Variants in SRBD1 observed in about 807,000 individuals in gnomAD.
SRBD1 encodes the protein S1 RNA-binding domain-containing protein 1.
In SRBD1, 88 loss-of-function variants were observed where a neutral mutation model predicts 115.3. The ratio of observed to expected loss-of-function variants is 0.76; its 90% CI spans 0.64 to 0.91. The LOEUF is 0.91. Among genes scored for constraint, SRBD1 ranks in the 40% least tolerant of loss-of-function variants. SRBD1 has a pLI of 0.00. For synonymous variants in SRBD1, 509 were observed against 407.7 expected, an observed-to-expected ratio of 1.25 and a Z score of -2.99; for missense variants, 1,385 against 1,177.4, an observed-to-expected ratio of 1.18 and a Z score of -2.58.
At chr2:45,550,938 A>C (rs938210422) in intron 12 of SRBD1, among the ~76,000 whole-genome samples, 187 bp downstream of exon 12, 1 of 152,222 alleles carries the variant, frequency 6.6e-6, no homozygotes, top group African/African-American at 2.4e-5. Flanking sequence ...TTGTATATTG[A>C]GGAGTTTGAT....
chr2:45,535,343 C>T (rs1477755049), intron 14 of SRBD1, among the ~76,000 whole-genome samples: 1 of 151,904 alleles, frequency 6.6e-6, no homozygotes, highest in Non-Finnish European at 1.5e-5. Context: ...TAGGTTAAGA[C>T]CAAAATGTTT....
At chr2:45,605,267 C>T (rs1674229179) in intron 2 of SRBD1, 95 bp downstream of exon 2, 3 of 1,252,172 alleles carry the variant, frequency 2.4e-6, no homozygotes, top group Non-Finnish European at 2.2e-6. Context: ...TTTTTCTACC[C>T]ACATCACTTA....
At chr2:45,415,728 G>GGAGAC (rs1212854937) in intron 18 of SRBD1, among the ~76,000 whole-genome samples, 5 of 10,734 alleles carry the variant, frequency 4.7e-4, no homozygotes, top group African/African-American at 2.2e-3. Context: ...GGAGAGGAGA[G>GGAGAC]GAGAGGAGAC....
intron 14 of SRBD1, among the ~76,000 whole-genome samples, chr2:45,535,382 A>T (rs930976703): frequency 1.3e-5 from 2 of 152,052 alleles, no homozygotes; most frequent in African/African-American, 4.8e-5. Context: ...GGTGATGTCC[A>T]GTGGTTATTT....
chr2:45,572,769 T>A (rs1386256025), intron 9 of SRBD1, among the ~76,000 whole-genome samples: 1 of 152,102 alleles, frequency 6.6e-6, no homozygotes, highest in Non-Finnish European at 1.5e-5. Flanking sequence ...GGAAAAAAAA[T>A]TAGTAAACTG....
intron 14 of SRBD1, among the ~76,000 whole-genome samples, chr2:45,540,823 T>C (rs541705235): frequency 7.9e-5 from 12 of 152,336 alleles, no homozygotes; most frequent in African/African-American, 2.6e-4. Context: ...GAGATATCAC[T>C]ACATATCCAC....
chr2:45,459,269 T>C (rs1367041215), intron 16 of SRBD1, among the ~76,000 whole-genome samples: 1 of 152,206 alleles, frequency 6.6e-6, no homozygotes, highest in Non-Finnish European at 1.5e-5. Context: ...AATTCAACTT[T>C]AAATGCCTAT....
At chr2:45,501,648 C>T (rs777459595) in intron 14 of SRBD1, among the ~76,000 whole-genome samples, 3 of 152,202 alleles carry the variant, frequency 2.0e-5, no homozygotes, top group Admixed American at 6.5e-5. Flanking sequence ...TTATATCCCA[C>T]GCCTGGCTCG....
intron 20 of SRBD1, among the ~76,000 whole-genome samples, chr2:45,391,750 T>G (rs1435356353): frequency 6.6e-6 from 1 of 152,174 alleles, no homozygotes; most frequent in African/African-American, 2.4e-5. Context: ...CCATATAATT[T>G]GAGTGTTGAT....
At chr2:45,539,600 G>C (rs971246073) in intron 14 of SRBD1, among the ~76,000 whole-genome samples, 25 of 152,146 alleles carry the variant, frequency 1.6e-4, no homozygotes, top group African/African-American at 6.0e-4. Flanking sequence ...TGAGAATATG[G>C]AACTATAAGC....
chr2:45,425,085 A>T (rs1405956193), intron 16 of SRBD1, among the ~76,000 whole-genome samples: 1 of 152,156 alleles, frequency 6.6e-6, no homozygotes, highest in Non-Finnish European at 1.5e-5. Flanking sequence ...CTGTAATAAA[A>T]TCTCTTTATC....
intron 20 of SRBD1, 82 bp downstream of exon 20, chr2:45,392,863 G>T: frequency 1.6e-6 from 2 of 1,253,306 alleles, no homozygotes; most frequent in Non-Finnish European, 1.1e-6. Flanking sequence ...TCTGCTTATG[G>T]CATAGGATTG....
chr2:45,570,633 C>G (rs957116476), intron 9 of SRBD1, among the ~76,000 whole-genome samples: 1 of 152,068 alleles, frequency 6.6e-6, no homozygotes, highest in Non-Finnish European at 1.5e-5. Flanking sequence ...TTTATAACAA[C>G]GAAAGAAACA....
intron 16 of SRBD1, among the ~76,000 whole-genome samples, chr2:45,431,952 G>A (rs779440202): frequency 8.6e-5 from 13 of 152,038 alleles, no homozygotes; most frequent in Non-Finnish European, 1.8e-4. Context: ...TATAAACTTT[G>A]CTTACATTCT....
chr2:45,525,033 G>A (rs1671399240), intron 14 of SRBD1, among the ~76,000 whole-genome samples: 1 of 151,940 alleles, frequency 6.6e-6, no homozygotes, highest in African/African-American at 2.4e-5. Context: ...ATCATTCAAT[G>A]GGTAAAGAAC....
chr2:45,424,725 A>G (rs1246419045), intron 16 of SRBD1, among the ~76,000 whole-genome samples: 2 of 152,218 alleles, frequency 1.3e-5, no homozygotes, highest in Non-Finnish European at 2.9e-5. Flanking sequence ...ACGAAGTAAA[A>G]TGTATTTCCT....
intron 16 of SRBD1, among the ~76,000 whole-genome samples, chr2:45,467,141 C>T (rs1012096689): frequency 2.6e-5 from 4 of 152,214 alleles, no homozygotes; most frequent in Non-Finnish European, 2.9e-5. Context: ...ATGCACATTT[C>T]TAGCATATTG....
chr2:45,588,816 G>A (rs1673628419), intron 4 of SRBD1, among the ~76,000 whole-genome samples: 2 of 152,218 alleles, frequency 1.3e-5, no homozygotes, highest in Admixed American at 6.5e-5. Context: ...GGATGGTGGT[G>A]CTAAGAGAAT....
chr2:45,509,392 C>G (rs1337226938), intron 14 of SRBD1, among the ~76,000 whole-genome samples: 1 of 151,970 alleles, frequency 6.6e-6, no homozygotes, highest in South Asian at 2.1e-4. Flanking sequence ...GTCAGGAGAT[C>G]GAGACCATCC....
Sources: allele counts gnomAD v4.1 joint callset (sites outside exome capture counted in the v4.1 genomes callset), GRCh38; gene constraint gnomAD v4.1.1; transcripts MANE v1.5; gene names NCBI Gene and HGNC (gene_info 2026-07-23, HGNC 2026-07-21).